The following BICRAL variants were observed in gnomAD, a reference collection of about 807,000 sequenced individuals.
The protein encoded by BICRAL is BICRA like chromatin remodeling complex associated protein.
Under a neutral mutation model 91.8 loss-of-function variants are expected in BICRAL, and 8 were observed. The observed-to-expected ratio is 0.09, with a 90% CI of 0.05 to 0.16. BICRAL has a LOEUF of 0.16. Ranked by LOEUF, BICRAL falls within the 10% of genes least tolerant of loss-of-function variation. BICRAL has a pLI of 1.00. For synonymous variants in BICRAL, 445 were observed against 491.1 expected (o/e 0.91, Z 1.24); for missense variants, 1,038 against 1,310.9 (o/e 0.79, Z 3.21).
At chr6:42,767,232 A>G (rs959644436) in intron 1 of BICRAL, among the ~76,000 whole-genome samples, 2 of 152,100 alleles carry the variant, frequency 1.3e-5, no homozygotes, top group South Asian at 4.1e-4. Context: ...ACTGTGTTGT[A>G]TGTGTGTGGA....
intron 6 of BICRAL, among the ~76,000 whole-genome samples, chr6:42,835,964 G>T (rs1290264497): frequency 6.6e-6 from 1 of 152,058 alleles, no homozygotes; most frequent in Non-Finnish European, 1.5e-5. Context: ...CAAAAAATGT[G>T]CAGTTAATTA....
At chr6:42,782,718 T>C (rs1381588841) in intron 1 of BICRAL, among the ~76,000 whole-genome samples, 1 of 148,632 alleles carries the variant, frequency 6.7e-6, no homozygotes, top group Admixed American at 6.7e-5. Context: ...TGTGCGCGAG[T>C]GTGAGTGTGT....
chr6:42,861,434 C>A (rs1765553294), intron 11 of BICRAL, among the ~76,000 whole-genome samples: 1 of 152,184 alleles, frequency 6.6e-6, no homozygotes, highest in African/African-American at 2.4e-5. Context: ...AACTGCAATT[C>A]ATTTGAAGTG....
intron 1 of BICRAL, among the ~76,000 whole-genome samples, chr6:42,786,098 GAGAA>G (rs1313878745): frequency 2.6e-5 from 4 of 152,188 alleles, no homozygotes; most frequent in Non-Finnish European, 5.9e-5. Context: ...TTACTAAAAT[GAGAA>G]AGAACCAAGT....
At chr6:42,843,800 CTTTTTT>C (rs55723359) in intron 6 of BICRAL, among the ~76,000 whole-genome samples, 1 of 102,126 alleles carries the variant, frequency 9.8e-6, no homozygotes. Context: ...TAAATTTCTT[CTTTTTT>C]TTTTTTTTTT....
At chr6:42,783,275 C>T (rs1044242912) in intron 1 of BICRAL, among the ~76,000 whole-genome samples, 1 of 151,974 alleles carries the variant, frequency 6.6e-6, no homozygotes, top group African/African-American at 2.4e-5. Flanking sequence ...CGCGGAGGAC[C>T]GGCGGCCCAG....
In BICRAL at chr6:42,864,847, G is replaced by A; in HGVS notation, c.2641G>A (p.Val881Met). 14 of 1,614,184 alleles carry A rather than the reference G, an allele frequency of 8.7e-6. No individual in the cohort carries two copies. The highest frequency in any genetic ancestry group is 1.2e-5 in the Non-Finnish European group (14 of 1,180,030). Residue 881 changes from valine to methionine, a missense_variant, in exon 13 of 13, where the codon GTG (valine) becomes ATG (methionine). Transcript: ENST00000314073. ...CATGAATCATGACCAGTTTCATCTA[G>A]TGCCTAATCACATCGTGGTCTCTGC... ...EPMNHDQFHL[V>M]PNHIVVSAEG...
At chr6:42,801,341 A>T (rs993223055) in intron 1 of BICRAL, among the ~76,000 whole-genome samples, 3 of 152,090 alleles carry the variant, frequency 2.0e-5, no homozygotes, top group Non-Finnish European at 4.4e-5. Context: ...AGTTACATAC[A>T]TAGGGACCAG....
chr6:42,776,564 T>A (rs1762811011), intron 1 of BICRAL, among the ~76,000 whole-genome samples: 1 of 150,518 alleles, frequency 6.6e-6, no homozygotes, highest in African/African-American at 2.5e-5. Flanking sequence ...CCCAGGCTGG[T>A]CTCAAACTCC....
chr6:42,807,082 C>T (rs1392856713), intron 1 of BICRAL, among the ~76,000 whole-genome samples: 3 of 152,084 alleles, frequency 2.0e-5, no homozygotes, highest in South Asian at 4.2e-4. Flanking sequence ...CCACCCGCCT[C>T]GGCCTCCCAA....
chr6:42,784,237 T>G (rs1470638663), intron 1 of BICRAL, among the ~76,000 whole-genome samples: 2 of 152,208 alleles, frequency 1.3e-5, no homozygotes, highest in African/African-American at 2.4e-5. Flanking sequence ...GAAACTCTTC[T>G]AAAAAGCAAA....
Position 42,748,004 on chromosome 6 carries a change from A to G in BICRAL, c.-261+981A>G, listed in dbSNP as rs181401804. Among the ~76,000 whole-genome samples, 130 of 150,198 alleles carry G rather than the reference A, an allele frequency of 8.7e-4. 2 individuals are homozygous for G. The East Asian group carries it at 0.025, about 29-fold the overall frequency. ...TTTTTAGTAGAGACGGGGTTTCTCC[A>G]TGTTGGTCAGGCTCGTCTCGAACTC... On this transcript the variant is annotated intron_variant, in intron 1 of 14. Transcript: ENST00000614467.
chr6:42,841,183 ATTT>A (rs70990150), intron 6 of BICRAL, among the ~76,000 whole-genome samples: 20,865 of 78,362 alleles, frequency 0.27, 1,054 homozygotes, highest in South Asian at 0.34. Context: ...ACTCTTGAAT[ATTT>A]TTTTTTTTTT....
At chr6:42,847,311 A>G (rs2114003040) in intron 6 of BICRAL, among the ~76,000 whole-genome samples, 1 of 152,308 alleles carries the variant, frequency 6.6e-6, no homozygotes, top group Middle Eastern at 3.4e-3. Context: ...AATTAGCTGT[A>G]GATTTTTTAT....
In BICRAL at chr6:42,853,802, G is replaced by A. The variant is rs556381177; in HGVS notation, c.2046+64G>A. The A allele has an allele frequency of 5.7e-6, 7 of 1,222,000 alleles. No individual in the cohort carries two copies. In the Admixed American group the frequency reaches 1.2e-4, roughly 22 times the overall value. 75.7% of individuals were successfully genotyped at this position (1,222,000 alleles called of 1,614,324 possible). A position where few individuals can be genotyped will look rare whatever the true frequency, so the allele number is the denominator to read the frequency against. The stretch of plus-strand genomic sequence containing the variant: ...CATAATTGAATGAAAATGTAGTCGT[G>A]CTATCTTTGTGGTTGCTGGCTAGCT... On this transcript the variant is annotated intron_variant, in intron 8 of 12. Coordinates refer to ENST00000314073, the MANE Select transcript of BICRAL (RefSeq NM_001393499.1).
chr6:42,856,137 G>C (rs1204077971), intron 9 of BICRAL, among the ~76,000 whole-genome samples: 2 of 151,908 alleles, frequency 1.3e-5, no homozygotes, highest in Admixed American at 1.3e-4. Flanking sequence ...AGACCAGCCT[G>C]GGCAACATGG....
At chr6:42,808,789 C>G (rs933410777) in intron 1 of BICRAL, among the ~76,000 whole-genome samples, 9 of 152,070 alleles carry the variant, frequency 5.9e-5, no homozygotes, top group African/African-American at 2.2e-4. Context: ...AAACACTCAC[C>G]GATGTGGTCT....
chr6:42,802,428 T>TTTTTTG (rs1554277647), intron 1 of BICRAL, among the ~76,000 whole-genome samples: 2 of 103,938 alleles, frequency 1.9e-5, no homozygotes, highest in Non-Finnish European at 4.9e-5. Flanking sequence ...CGTGTTTTTT[T>TTTTTTG]TTGTTGTTGT....
chr6:42,766,852 A>G (rs1055773772), intron 1 of BICRAL, among the ~76,000 whole-genome samples: 6 of 152,244 alleles, frequency 3.9e-5, no homozygotes, highest in Non-Finnish European at 7.4e-5. Context: ...CATCCTGGCT[A>G]ACACAGTGAA....
Sources: allele counts gnomAD v4.1 joint callset (sites outside exome capture counted in the v4.1 genomes callset), GRCh38; gene constraint gnomAD v4.1.1; transcripts MANE v1.5; gene names NCBI Gene and HGNC (gene_info 2026-07-23, HGNC 2026-07-21).